The following ADIPOR2 variants were observed in gnomAD, a reference collection of about 807,000 sequenced individuals.
ADIPOR2 encodes the protein adiponectin receptor protein 2.
In ADIPOR2, 18 loss-of-function variants were observed where a neutral mutation model predicts 40.9. That is an observed-to-expected ratio of 0.44 (90% CI 0.30 to 0.65). ADIPOR2 has a LOEUF of 0.65. Ranked by LOEUF, ADIPOR2 falls within the 30% of genes least tolerant of loss-of-function variation. The pLI is 0.09. For missense variants in ADIPOR2, 283 were observed against 479.2 expected, an observed-to-expected ratio of 0.59 and a Z score of 3.82; for synonymous variants, 165 against 166.4, an observed-to-expected ratio of 0.99 and a Z score of 0.06.
chr12:1,757,919 T>C, intron 2 of ADIPOR2: 1 of 875,528 alleles, frequency 1.1e-6, no homozygotes, highest in Non-Finnish European at 2.0e-6. Flanking sequence ...GACTAGTGGA[T>C]GGACGAGGAG....
At chr12:1,724,025 G>A (rs140650604) in intron 1 of ADIPOR2, among the ~76,000 whole-genome samples, 23 of 151,112 alleles carry the variant, frequency 1.5e-4, no homozygotes, top group African/African-American at 5.1e-4. Flanking sequence ...ACTGTTGCCC[G>A]GGCTGAAGTG....
Position 1,754,401 on chromosome 12 carries a change from A to G in ADIPOR2, c.58A>G (p.Arg20Gly). 1 of 1,613,518 alleles carries G rather than the reference A, an allele frequency of 6.2e-7. No homozygotes were observed. Among genetic ancestry groups the G allele is most frequent in the Non-Finnish European group, 8.5e-7 (1 of 1,179,702 alleles). Residue 20 changes from arginine (R) to glycine (G), a missense_variant, in exon 2 of 8, where the codon AGG becomes GGG. Physicochemically the swap from Arg to Gly is moderately radical, Grantham distance 125. Coordinates refer to ENST00000357103, the MANE Select transcript of ADIPOR2 (RefSeq NM_024551.3). ...CAGCAGGACTCCAGAGCCAGATATAAGGCTCAGAAAAGGGCACCAACTGGA... is the reference window on the plus strand; with the variant it reads ...CAGCAGGACTCCAGAGCCAGATATAGGGCTCAGAAAAGGGCACCAACTGGA... ...GCSRTPEPDI[R>G]LRKGHQLDGT...
rs146397040 is a variant in ADIPOR2, at chr12:1,713,908, C to T, written c.-87+22717C>T. Among the ~76,000 whole-genome samples the T allele has an allele frequency of 6.5e-4, 99 of 152,174 alleles. 1 individual carries two copies. The highest frequency in any genetic ancestry group is 1.2e-3 in the Admixed American group (18 of 15,294). On this transcript the variant is annotated intron_variant, in intron 1 of 7. Transcript: ENST00000357103. ...GAGATTAACACTGATAAAGCTGTACCGGTGTCCAGGAGGAAGTCAATTTCC... is the reference window on the plus strand; with the variant it reads ...GAGATTAACACTGATAAAGCTGTACTGGTGTCCAGGAGGAAGTCAATTTCC...
intron 1 of ADIPOR2, among the ~76,000 whole-genome samples, chr12:1,736,343 AT>A (rs1206979017): frequency 6.6e-6 from 1 of 152,186 alleles, no homozygotes; most frequent in Non-Finnish European, 1.5e-5. Flanking sequence ...GTGTCGAGGA[AT>A]TTATCCATTT....
chr12:1,712,468 C>T (rs1250678556), intron 1 of ADIPOR2, among the ~76,000 whole-genome samples: 5 of 152,100 alleles, frequency 3.3e-5, no homozygotes, highest in East Asian at 1.9e-4. Context: ...TGCAACTACA[C>T]GTAAACAGTG....
chr12:1,705,027 A>G (rs1211103342), intron 1 of ADIPOR2, among the ~76,000 whole-genome samples: 2 of 152,184 alleles, frequency 1.3e-5, no homozygotes, highest in East Asian at 3.9e-4. Flanking sequence ...ACAAACAAAC[A>G]GACAAAACAG....
At chr12:1,755,487 CT>C (rs1381946182) in intron 2 of ADIPOR2, among the ~76,000 whole-genome samples, 1 of 152,206 alleles carries the variant, frequency 6.6e-6, no homozygotes, top group African/African-American at 2.4e-5. Context: ...ATGACGTTAT[CT>C]GTTATTTTTG....
chr12:1,717,815 T>C (rs2094690599), intron 1 of ADIPOR2, among the ~76,000 whole-genome samples: 2 of 152,200 alleles, frequency 1.3e-5, no homozygotes, highest in African/African-American at 4.8e-5. Context: ...AAACAAATTT[T>C]TAGTAAAATA....
intron 1 of ADIPOR2, among the ~76,000 whole-genome samples, chr12:1,737,639 G>A (rs2094733678): frequency 6.6e-6 from 1 of 152,128 alleles, no homozygotes; most frequent in South Asian, 2.1e-4. Context: ...CTGGAGTGCC[G>A]TGGTGTGATC....
intron 1 of ADIPOR2, among the ~76,000 whole-genome samples, chr12:1,693,917 T>A (rs921026835): frequency 2.0e-5 from 3 of 152,178 alleles, no homozygotes; most frequent in Non-Finnish European, 2.9e-5. Flanking sequence ...GAGGTCTTTC[T>A]AGAAAGGGGC....
intron 2 of ADIPOR2, among the ~76,000 whole-genome samples, chr12:1,766,643 GA>G (rs374872078): frequency 2.0e-3 from 306 of 152,210 alleles, no homozygotes; most frequent in African/African-American, 7.1e-3. Flanking sequence ...AAAAATATAA[GA>G]GAGGCATTTC....
chr12:1,739,970 C>T (rs2094739079), intron 1 of ADIPOR2, among the ~76,000 whole-genome samples: 1 of 146,642 alleles, frequency 6.8e-6, no homozygotes, highest in Non-Finnish European at 1.5e-5. Flanking sequence ...GGCGTGGTGG[C>T]ACATGCCTGT....
intron 1 of ADIPOR2, among the ~76,000 whole-genome samples, chr12:1,706,715 A>C (rs937701394): frequency 6.6e-6 from 1 of 152,146 alleles, no homozygotes; most frequent in Non-Finnish European, 1.5e-5. Flanking sequence ...AGGTAATGGA[A>C]TTTCTGTTAT....
intron 2 of ADIPOR2, among the ~76,000 whole-genome samples, 182 bp downstream of exon 2, chr12:1,754,696 T>TAC (rs1862078409): frequency 3.3e-4 from 20 of 60,200 alleles, no homozygotes; most frequent in African/African-American, 7.4e-4. Context: ...TTTATTATTA[T>TAC]TATTACTACT....
intron 2 of ADIPOR2, among the ~76,000 whole-genome samples, chr12:1,765,094 C>G (rs1035509795): frequency 2.0e-5 from 3 of 152,036 alleles, no homozygotes; most frequent in Non-Finnish European, 2.9e-5. Context: ...CCCATTCTCC[C>G]TTTAAACATC....
chr12:1,771,387 C>G (rs1010198517), intron 2 of ADIPOR2, among the ~76,000 whole-genome samples: 1 of 146,016 alleles, frequency 6.8e-6, no homozygotes, highest in African/African-American at 2.5e-5. Flanking sequence ...AACGCTGTCT[C>G]AAACTAAAAA....
At chr12:1,721,308 C>T (rs770739042) in intron 1 of ADIPOR2, among the ~76,000 whole-genome samples, 10 of 131,852 alleles carry the variant, frequency 7.6e-5, no homozygotes, top group Admixed American at 1.8e-4. Context: ...CTCCACCTCC[C>T]GGGTTCAAGT....
At chr12:1,723,015 C>T (rs1026203053) in intron 1 of ADIPOR2, among the ~76,000 whole-genome samples, 5 of 152,192 alleles carry the variant, frequency 3.3e-5, no homozygotes, top group African/African-American at 1.2e-4. Flanking sequence ...TTTGCAAGCT[C>T]TAAATTGTTA....
At chr12:1,735,928 C>T (rs1031294192) in intron 1 of ADIPOR2, among the ~76,000 whole-genome samples, 6 of 152,182 alleles carry the variant, frequency 3.9e-5, no homozygotes, top group African/African-American at 1.4e-4. Context: ...ACCAGCCTTG[C>T]ATCCCAGGGA....
Sources: allele counts gnomAD v4.1 joint callset (sites outside exome capture counted in the v4.1 genomes callset), GRCh38; gene constraint gnomAD v4.1.1; transcripts MANE v1.5; gene names NCBI Gene and HGNC (gene_info 2026-07-23, HGNC 2026-07-21).